ADCY8: variants seen among roughly 807,000 people sequenced by gnomAD.
The protein encoded by ADCY8 is adenylate cyclase type 8.
In ADCY8, 51 loss-of-function variants were observed where a neutral mutation model predicts 119.7. The ratio of observed to expected loss-of-function variants is 0.43; its 90% CI spans 0.34 to 0.54. The LOEUF (loss-of-function observed/expected upper bound fraction) is 0.54, where lower values mean the gene tolerates loss of function less well. Among genes scored for constraint, ADCY8 ranks in the 20% least tolerant of loss-of-function variants. The pLI is 0.03. For missense variants in ADCY8, 1,383 were observed against 1,598.8 expected, an observed-to-expected ratio of 0.87 and a Z score of 2.30; for synonymous variants, 665 against 651.0, an observed-to-expected ratio of 1.02 and a Z score of -0.33.
chr8:130,999,097 C>T (rs1022860410), intron 1 of ADCY8, among the ~76,000 whole-genome samples: 2 of 152,124 alleles, frequency 1.3e-5, no homozygotes, highest in Non-Finnish European at 2.9e-5. Flanking sequence ...TGAACTCCCC[C>T]AGGGCAGAGC....
chr8:130,869,062 T>C (rs1229982296), intron 8 of ADCY8, among the ~76,000 whole-genome samples: 1 of 152,210 alleles, frequency 6.6e-6, no homozygotes, highest in East Asian at 1.9e-4. Context: ...CCCCACTTCT[T>C]AGTGTCATAG....
At chr8:130,906,739 A>G (rs369236551) in intron 6 of ADCY8, among the ~76,000 whole-genome samples, 1 of 151,818 alleles carries the variant, frequency 6.6e-6, no homozygotes, top group Non-Finnish European at 1.5e-5. Flanking sequence ...TAATGCTAGG[A>G]TATAATAAAA....
chr8:131,036,378 G>A (rs1368017715), intron 1 of ADCY8, among the ~76,000 whole-genome samples: 5 of 152,150 alleles, frequency 3.3e-5, no homozygotes, highest in Non-Finnish European at 7.4e-5. Flanking sequence ...GTATGTGTGT[G>A]TGTGTATAGA....
intron 1 of ADCY8, among the ~76,000 whole-genome samples, chr8:131,011,503 C>T (rs1244303100): frequency 3.9e-5 from 6 of 152,164 alleles, no homozygotes; most frequent in Non-Finnish European, 5.9e-5. Context: ...CCCTTCTCAC[C>T]ACATTCTCAG....
At chr8:130,948,841 G>A (rs935418515) in intron 3 of ADCY8, among the ~76,000 whole-genome samples, 3 of 152,012 alleles carry the variant, frequency 2.0e-5, no homozygotes, top group Non-Finnish European at 4.4e-5. Context: ...GTCCTCCTCT[G>A]CTTTCAAGGC....
intron 2 of ADCY8, among the ~76,000 whole-genome samples, chr8:130,960,888 T>C (rs1262489272): frequency 1.3e-5 from 2 of 152,120 alleles, no homozygotes; most frequent in Non-Finnish European, 2.9e-5. Flanking sequence ...GGCAGGCCAA[T>C]CCCATAGATT....
chr8:130,899,977 T>G (rs1819542039), intron 7 of ADCY8, among the ~76,000 whole-genome samples: 1 of 152,180 alleles, frequency 6.6e-6, no homozygotes, highest in Non-Finnish European at 1.5e-5. Flanking sequence ...AATCTTAAGT[T>G]CCAATAGTCC....
intron 13 of ADCY8, among the ~76,000 whole-genome samples, chr8:130,821,110 AG>A (rs1816494678): frequency 6.6e-6 from 1 of 152,232 alleles, no homozygotes; most frequent in South Asian, 2.1e-4. Flanking sequence ...CTCTTTCACT[AG>A]GATGATATTT....
chr8:130,982,271 G>T (rs1199874075), intron 2 of ADCY8, among the ~76,000 whole-genome samples: 3 of 152,154 alleles, frequency 2.0e-5, no homozygotes, highest in African/African-American at 7.2e-5. Flanking sequence ...GAAGCATGGT[G>T]CTAACCCTGA....
chr8:130,867,114 A>G (rs1818154488), intron 9 of ADCY8, among the ~76,000 whole-genome samples: 1 of 152,202 alleles, frequency 6.6e-6, no homozygotes, highest in Non-Finnish European at 1.5e-5. Context: ...GAAAAGAGGC[A>G]GGAGCTAGCT....
intron 5 of ADCY8, among the ~76,000 whole-genome samples, chr8:130,913,671 T>C (rs1820046757): frequency 6.6e-6 from 1 of 152,078 alleles, no homozygotes; most frequent in Non-Finnish European, 1.5e-5. Context: ...CCTCCTGTAA[T>C]AAAGTGTGAA....
chr8:131,034,544 T>C (rs1824091648), intron 1 of ADCY8, among the ~76,000 whole-genome samples: 1 of 152,172 alleles, frequency 6.6e-6, no homozygotes, highest in African/African-American at 2.4e-5. Flanking sequence ...AATCATTCTT[T>C]AGCATTTTTC....
At chr8:130,870,674 C>T (rs1818322291) in intron 8 of ADCY8, among the ~76,000 whole-genome samples, 1 of 152,132 alleles carries the variant, frequency 6.6e-6, no homozygotes, top group South Asian at 2.1e-4. Context: ...AGATCCCAAG[C>T]CTGAGTCTCT....
intron 5 of ADCY8, among the ~76,000 whole-genome samples, chr8:130,912,545 T>G (rs1203094503): frequency 1.3e-5 from 2 of 152,074 alleles, no homozygotes; most frequent in East Asian, 1.9e-4. Flanking sequence ...AAAAAATAAA[T>G]AAAGAATGAA....
chr8:130,970,742 C>T, intron 2 of ADCY8, among the ~76,000 whole-genome samples: 1 of 152,088 alleles, frequency 6.6e-6, no homozygotes. Flanking sequence ...GGTGTTTCCT[C>T]ATTGTTTCTT....
chr8:130,957,766 C>T (rs777758934), intron 2 of ADCY8, among the ~76,000 whole-genome samples: 10 of 152,332 alleles, frequency 6.6e-5, no homozygotes, highest in South Asian at 2.1e-4. Flanking sequence ...AGAGCTCAGG[C>T]CGTGGTTTCA....
intron 13 of ADCY8, among the ~76,000 whole-genome samples, chr8:130,819,187 T>C (rs1005578666): frequency 6.6e-6 from 1 of 152,166 alleles, no homozygotes; most frequent in Non-Finnish European, 1.5e-5. Context: ...GTGGCAGAGT[T>C]GGGGTTTTAA....
At position 130,951,913 on chromosome 8, in the gene ADCY8, T is replaced by G. The variant is rs1201965550; in HGVS notation, c.1196A>C (p.Gln399Pro). 3.1e-6 allele frequency: 5 copies of G among 1,614,004 alleles called. No individual in the cohort carries two copies. Among genetic ancestry groups the G allele is most frequent in the Non-Finnish European group, 4.2e-6 (5 of 1,180,006 alleles). ...GATGTAGATCCGATGGAACTGGTGC[T>G]GCAGGTGCTCATCTTCCACATTGGT... ...DMTNVEDEHLQHQFHRIYIHR... is the reference protein window; with the variant it reads ...DMTNVEDEHLPHQFHRIYIHR... Residue 399 changes from glutamine to proline, a missense_variant, in exon 3 of 18, where the codon CAG becomes CCG. This residue lies in a region of ADCY8 where 928 missense variants were observed against 1,163.5 expected (regional missense o/e 0.80). Transcript: ENST00000286355.
At chr8:130,880,739 T>TGG (rs1424366436) in intron 8 of ADCY8, among the ~76,000 whole-genome samples, 4 of 152,196 alleles carry the variant, frequency 2.6e-5, no homozygotes, top group Non-Finnish European at 4.4e-5. Flanking sequence ...TCACATGACT[T>TGG]GTTACATATC....
Sources: allele counts gnomAD v4.1 joint callset (sites outside exome capture counted in the v4.1 genomes callset), GRCh38; gene constraint gnomAD v4.1.1; regional missense constraint gnomAD v4.1.1; transcripts MANE v1.5; gene names NCBI Gene and HGNC (gene_info 2026-07-23, HGNC 2026-07-21).